TCF4: variants seen among roughly 807,000 people sequenced by gnomAD.
TCF4 encodes the protein transcription factor 4.
A neutral mutation model predicts 82.1 loss-of-function variants in TCF4; 3 were observed. The ratio of observed to expected loss-of-function variants is 0.04; its 90% confidence interval spans 0.02 to 0.09. The LOEUF is 0.09. TCF4 is among the 10% of genes least tolerant of loss of function. The probability of loss-of-function intolerance (pLI) is 1.00; values close to 1 mark genes in which losing one functional copy is unlikely to be tolerated. For missense variants in TCF4, 518 were observed against 852.7 expected, an observed-to-expected ratio of 0.61 and a Z score of 4.89; for synonymous variants, 276 against 309.6, an observed-to-expected ratio of 0.89 and a Z score of 1.14.
At chr18:55,518,001 A>G (rs190157429) in intron 3 of TCF4, among the ~76,000 whole-genome samples, 1 of 152,318 alleles carries the variant, frequency 6.6e-6, no homozygotes, top group Non-Finnish European at 1.5e-5. Flanking sequence ...TTCTCCAAAT[A>G]ATACTTTTTG....
At chr18:55,525,285 A>G (rs1221801147) in intron 3 of TCF4, among the ~76,000 whole-genome samples, 4 of 152,042 alleles carry the variant, frequency 2.6e-5, no homozygotes, top group Non-Finnish European at 5.9e-5. Context: ...CATTCCACGT[A>G]ACCTTTGATT....
rs9948104 is a variant in TCF4 at position 55,537,796 on chromosome 18, T to C, written c.145+47484A>G. ...GGCAAGGCTGGTGGGCATTTTGTCA[T>C]TCAAAGGGACAGGCTATTGAGGTCT... On this transcript the variant is annotated intron_variant, in intron 3 of 19. Transcript: ENST00000354452. Among the ~76,000 whole-genome samples, 431 of 152,248 alleles carry C rather than the reference T, an allele frequency of 2.8e-3. 2 individuals carry two copies. The highest frequency in any genetic ancestry group is 0.01 in the African/African-American group (417 of 41,552).
chr18:55,401,640 A>G, intron 6 of TCF4: 1 of 989,292 alleles, frequency 1.0e-6, no homozygotes, highest in Non-Finnish European at 1.2e-6. Flanking sequence ...TATTCCCCAC[A>G]AACGGAGAAA....
At chr18:55,502,428 T>C (rs1033492815) in intron 3 of TCF4, among the ~76,000 whole-genome samples, 6 of 152,214 alleles carry the variant, frequency 3.9e-5, no homozygotes, top group South Asian at 4.1e-4. Context: ...ATATTTGTAT[T>C]CTCATGACAT....
intron 3 of TCF4, among the ~76,000 whole-genome samples, chr18:55,583,075 T>C (rs1249731885): frequency 6.6e-6 from 1 of 152,106 alleles, no homozygotes; most frequent in African/African-American, 2.4e-5. Flanking sequence ...AACACTCCAA[T>C]CTGTACCCTA....
chr18:55,451,168 AT>A (rs1319150287), intron 5 of TCF4, among the ~76,000 whole-genome samples: 2 of 152,224 alleles, frequency 1.3e-5, no homozygotes. Context: ...AGGTATAGGT[AT>A]TTTAAAATTG....
At chr18:55,437,970 G>A (rs1028419752) in intron 5 of TCF4, among the ~76,000 whole-genome samples, 2 of 152,194 alleles carry the variant, frequency 1.3e-5, no homozygotes, top group African/African-American at 4.8e-5. Flanking sequence ...GGAGGCCAAG[G>A]TGGGCGGATC....
At chr18:55,290,469 G>C (rs1351861152) in intron 8 of TCF4, among the ~76,000 whole-genome samples, 1 of 152,136 alleles carries the variant, frequency 6.6e-6, no homozygotes, top group East Asian at 1.9e-4. Flanking sequence ...AGGGCAATGA[G>C]GTCTCAGATC....
intron 5 of TCF4, among the ~76,000 whole-genome samples, chr18:55,433,863 T>A (rs1170684830): frequency 2.0e-5 from 3 of 152,146 alleles, no homozygotes; most frequent in Admixed American, 2.0e-4. Context: ...GTGTCCCTTA[T>A]GTGCCCAATC....
chr18:55,403,758 T>A, intron 5 of TCF4: 1 of 1,534,726 alleles, frequency 6.5e-7, no homozygotes, highest in Non-Finnish European at 8.7e-7. Context: ...AAAACTGTCA[T>A]TCCAATGGCC....
intron 8 of TCF4, among the ~76,000 whole-genome samples, chr18:55,338,428 G>A (rs1022971758): frequency 2.0e-5 from 3 of 152,146 alleles, no homozygotes; most frequent in Admixed American, 6.5e-5. Flanking sequence ...CTCTTCTTCC[G>A]GGGAGAGGAT....
Position 55,612,281 on chromosome 18 carries a change from G to C in TCF4, c.286+19017C>G, listed in dbSNP as rs556522456. On this transcript the variant is annotated intron_variant, in intron 2 of 20. Coordinates refer to the TCF4 transcript ENST00000398339. ...TGATGGGCACTCTTGAATTGAGTGA[G>C]AGTTGCTTCGGGATATGAGGGGGGA... is the stretch of plus-strand genomic sequence containing the variant. Among the ~76,000 whole-genome samples, 3 of 152,228 alleles carry C rather than the reference G, an allele frequency of 2.0e-5. No individual in the cohort carries two copies. The South Asian group carries it at 6.2e-4, about 32-fold the overall frequency.
chr18:55,383,477 C>A (rs2092246948), intron 6 of TCF4, among the ~76,000 whole-genome samples: 1 of 152,196 alleles, frequency 6.6e-6, no homozygotes, highest in African/African-American at 2.4e-5. Context: ...GGTGACTCGA[C>A]CCACACAAAG....
At chr18:55,591,224 A>G (rs551078961), upstream of TCF4, 1 of 152,352 alleles carries the variant, frequency 6.6e-6, no homozygotes, top group South Asian at 2.1e-4. Flanking sequence ...TTCTCATCTC[A>G]AAATAATATC....
intron 2 of TCF4, among the ~76,000 whole-genome samples, chr18:55,624,190 T>G (rs1159753104): frequency 6.6e-6 from 1 of 152,128 alleles, no homozygotes; most frequent in Admixed American, 6.5e-5. Flanking sequence ...TAATTTTATA[T>G]AAATTTTTTA....
At chr18:55,576,414 C>T (rs993380122) in intron 3 of TCF4, among the ~76,000 whole-genome samples, 14 of 152,092 alleles carry the variant, frequency 9.2e-5, no homozygotes, top group East Asian at 5.8e-4. Context: ...CCGAGTGAAA[C>T]GCAAACTCAG....
intron 3 of TCF4, among the ~76,000 whole-genome samples, chr18:55,491,654 AT>A (rs539304709): frequency 1.3e-5 from 2 of 152,182 alleles, no homozygotes; most frequent in Non-Finnish European, 2.9e-5. Flanking sequence ...CACACAGAAG[AT>A]TTTGTAATCT....
chr18:55,418,691 A>G (rs970394896), intron 5 of TCF4, among the ~76,000 whole-genome samples: 1 of 152,192 alleles, frequency 6.6e-6, no homozygotes, highest in African/African-American at 2.4e-5. Flanking sequence ...TATGAAAGAG[A>G]AGAGTCACAT....
chr18:55,608,514 C>A (rs1375858067), intron 2 of TCF4, among the ~76,000 whole-genome samples: 1 of 151,746 alleles, frequency 6.6e-6, no homozygotes, highest in African/African-American at 2.4e-5. Context: ...TCTGTATGAG[C>A]CATTTAAAGA....
Sources: gnomAD v4.1 joint callset for allele counts (sites outside exome capture counted in the v4.1 genomes callset) on GRCh38, gnomAD v4.1.1 for gene constraint, MANE v1.5 for transcripts, NCBI Gene and HGNC (gene_info 2026-07-23, HGNC 2026-07-21) for gene names.